ZNF329: variants seen among roughly 807,000 people sequenced by gnomAD.
ZNF329 encodes the protein zinc finger protein 329.
In ZNF329, 15 loss-of-function variants were observed where a neutral mutation model predicts 26.6. That is an observed-to-expected ratio of 0.56 (90% confidence interval 0.38 to 0.87). ZNF329 has a LOEUF of 0.87. ZNF329 is among the 40% of genes least tolerant of loss of function. The probability of loss-of-function intolerance (pLI) is 0.00; values close to 1 mark genes in which losing one functional copy is unlikely to be tolerated. For missense variants in ZNF329, 651 were observed against 651.9 expected (o/e 1.00, Z 0.02); for synonymous variants, 239 against 233.5 (o/e 1.02, Z -0.21).
chr19:58,149,407 G>C (rs1047184353), intron 1 of ZNF329, among the ~76,000 whole-genome samples: 4 of 152,076 alleles, frequency 2.6e-5, no homozygotes, highest in Admixed American at 2.6e-4. Context: ...CCTCTGTTGG[G>C]TTATAGCTCG....
intron 1 of ZNF329, among the ~76,000 whole-genome samples, chr19:58,147,644 G>A (rs960322312): frequency 6.9e-6 from 1 of 145,470 alleles, no homozygotes; most frequent in Non-Finnish European, 1.5e-5. Context: ...GGAGGGAGGT[G>A]GGGGGCCAGC....
chr19:58,129,559 G>C lies in ZNF329; in HGVS notation c.-8-48C>G, dbSNP rs1424694976. Reference sequence around the variant, plus strand: ...GACTTAGGTATATGAAGCTTTATCTGTAAGAGAAACAGACAATGATGATGG... The same window carrying C: ...GACTTAGGTATATGAAGCTTTATCTCTAAGAGAAACAGACAATGATGATGG... On this transcript the variant is annotated intron_variant, in intron 3 of 3. Transcript: ENST00000598312. 1.1e-5 allele frequency: 16 copies of C among 1,471,994 alleles called. 1 individual carries two copies. Among genetic ancestry groups the C allele is most frequent in the Non-Finnish European group, 2.7e-6 (3 of 1,094,468 alleles). 91.2% of individuals were successfully genotyped at this position (1,471,994 alleles called of 1,614,324 possible). A position where few individuals can be genotyped will look rare whatever the true frequency, so the allele number is the denominator to read the frequency against.
chr19:58,148,392 A>T (rs939003369), intron 1 of ZNF329, among the ~76,000 whole-genome samples: 1 of 67,788 alleles, frequency 1.5e-5, no homozygotes, highest in Middle Eastern at 6.5e-3. Flanking sequence ...ATGATCAATT[A>T]AAAAAAAAAA....
At chr19:58,137,604 A>C (rs892745636) in intron 3 of ZNF329, among the ~76,000 whole-genome samples, 3 of 151,844 alleles carry the variant, frequency 2.0e-5, no homozygotes, top group African/African-American at 7.3e-5. Flanking sequence ...ACAAGAAACC[A>C]GTTGAGAAAA....
rs548221461 is a variant in ZNF329, at chr19:58,128,581, G to C, written c.923C>G (p.Thr308Ser). ...TCTATATGGTTTTTCCCCTGTATGA[G>C]TTCTTTGGTGCAAAATTAAGGATGA... Reference protein sequence around the residue: ...RNSSLILHQRTHTGEKPYRCN... With the variant: ...RNSSLILHQRSHTGEKPYRCN... Residue 308 changes from threonine to serine, a missense_variant, in exon 4 of 4, where the codon ACT becomes AGT. Thr to Ser is a moderately conservative substitution (Grantham distance 58). Coordinates refer to ENST00000598312, the MANE Select transcript of ZNF329 (RefSeq NM_024620.4). 5 of 1,613,286 alleles carry C rather than the reference G, an allele frequency of 3.1e-6. No homozygotes were observed. The highest frequency in any genetic ancestry group is 1.7e-5 in the Admixed American group (1 of 59,728).
intron 1 of ZNF329, among the ~76,000 whole-genome samples, chr19:58,146,937 A>G (rs1228685753): frequency 6.6e-6 from 1 of 152,038 alleles, no homozygotes; most frequent in Non-Finnish European, 1.5e-5. Context: ...TTGGCCTCCC[A>G]AAGTGCCGAG....
chr19:58,128,492 T>G lies in ZNF329; in HGVS notation c.1012A>C (p.Thr338Pro), dbSNP rs773073937. 6.2e-7 allele frequency: 1 copy of G among 1,613,876 alleles called. No individual in the cohort carries two copies. Among genetic ancestry groups the G allele is most frequent in the Non-Finnish European group, 8.5e-7 (1 of 1,179,862 alleles). Reference protein sequence around the residue: ...SHLTVHLRIHTGEKPYECSKC... With the variant: ...SHLTVHLRIHPGEKPYECSKC... The stretch of plus-strand genomic sequence containing the variant: ...CTACACTCATAGGGCTTCTCACCGG[T>G]GTGGATTCTGAGATGCACTGTAAGG... The change falls in exon 4 of 4, where the codon ACC becomes CCC. Residue 338 changes from threonine to proline, a missense_variant. Physicochemically the swap from Thr to Pro is conservative, Grantham distance 38. Coordinates refer to ENST00000598312, the MANE Select transcript of ZNF329 (RefSeq NM_024620.4).
At chr19:58,148,108 T>C (rs577946291) in intron 1 of ZNF329, among the ~76,000 whole-genome samples, 2 of 152,032 alleles carry the variant, frequency 1.3e-5, no homozygotes, top group South Asian at 2.1e-4. Context: ...CCCTGTGCTC[T>C]CTGAAACATG....
chr19:58,154,219 G>A (rs1219942568), upstream of ZNF329, among the ~76,000 whole-genome samples: 2 of 152,142 alleles, frequency 1.3e-5, no homozygotes, highest in African/African-American at 4.8e-5. Flanking sequence ...ATGTTGGCCA[G>A]GCTGGTCTAC....
chr19:58,154,638 CT>C, upstream of ZNF329: 2 of 152,356 alleles, frequency 1.3e-5, no homozygotes, highest in Non-Finnish European at 1.5e-5. Context: ...CTTCCTCGTC[CT>C]TTTTTTCCTT....
chr19:58,128,135 A>G lies in ZNF329; in HGVS notation c.1369T>C (p.Cys457Arg). ...RTHTGEKPYE[C>R]NQCGKAFRDS... ...CTGAAGGCTTTGCCACACTGATTAC[A>G]CTCATAGGGCTTCTCACCAGTATGA... The change falls in exon 4 of 4, where the codon TGT becomes CGT. Residue 457 changes from cysteine to arginine, a missense_variant. Transcript: ENST00000598312. 6.3e-7 allele frequency: 1 copy of G among 1,590,748 alleles called. No individual in the cohort carries two copies. The highest frequency in any genetic ancestry group is 8.6e-7 in the Non-Finnish European group (1 of 1,169,148).
intron 1 of ZNF329, among the ~76,000 whole-genome samples, chr19:58,147,648 G>A (rs1035656499): frequency 1.4e-5 from 2 of 145,744 alleles, no homozygotes; most frequent in African/African-American, 5.4e-5. Flanking sequence ...GGAGGTGGGG[G>A]GCCAGCCCCC....
intron 1 of ZNF329, among the ~76,000 whole-genome samples, chr19:58,146,569 CCTCTCTTT>C (rs2075314526): frequency 7.1e-6 from 1 of 141,698 alleles, no homozygotes; most frequent in African/African-American, 3.1e-5. Context: ...TCTCCCTCTC[CCTCTCTTT>C]CCACGGTCTC....
intron 1 of ZNF329, among the ~76,000 whole-genome samples, chr19:58,145,999 T>TG (rs964269726): frequency 1.2e-4 from 14 of 115,954 alleles, no homozygotes; most frequent in South Asian, 2.7e-4. Context: ...ATCAATTTCA[T>TG]GAAAAAAAAA....
Position 58,127,585 on chromosome 19 carries a change from G to A in ZNF329, c.*293C>T, listed in dbSNP as rs565360533. The A allele has an allele frequency of 4.6e-5, 15 of 326,104 alleles. No homozygotes were observed. In the South Asian group the frequency reaches 1.6e-3, roughly 35 times the overall value. 20.2% of individuals were successfully genotyped at this position (326,104 alleles called of 1,614,324 possible). On this transcript the variant is annotated 3_prime_UTR_variant, in exon 4 of 4. Transcript: ENST00000598312. ...AATCATGTTCTGAATGCATTCACAG[G>A]TTCTCTCTGTGGTGTCACCCCCATG...
At chr19:58,141,654 G>A (rs970277363) in intron 3 of ZNF329, among the ~76,000 whole-genome samples, 2 of 152,106 alleles carry the variant, frequency 1.3e-5, no homozygotes, top group Admixed American at 1.3e-4. Flanking sequence ...CACTTTGGGT[G>A]GCTGAGGCAG....
intron 1 of ZNF329, among the ~76,000 whole-genome samples, chr19:58,145,052 T>C (rs2075276843): frequency 6.6e-6 from 1 of 151,214 alleles, no homozygotes; most frequent in East Asian, 2.0e-4. Context: ...GGTTTCACCA[T>C]GTTAGCCAAG....
At chr19:58,134,952 A>C (rs2075030843) in intron 3 of ZNF329, among the ~76,000 whole-genome samples, 1 of 152,092 alleles carries the variant, frequency 6.6e-6, no homozygotes, top group Non-Finnish European at 1.5e-5. Flanking sequence ...CAAACAAACA[A>C]ACAATCAACA....
chr19:58,149,038 C>A (rs1052706401), intron 1 of ZNF329, among the ~76,000 whole-genome samples: 1 of 152,178 alleles, frequency 6.6e-6, no homozygotes, highest in African/African-American at 2.4e-5. Context: ...GCACAAGATA[C>A]AGGTCATAAA....
Sources: gnomAD v4.1 joint callset for allele counts (sites outside exome capture counted in the v4.1 genomes callset) on GRCh38, gnomAD v4.1.1 for gene constraint, MANE v1.5 for transcripts, NCBI Gene and HGNC (gene_info 2026-07-23, HGNC 2026-07-21) for gene names.